TNS3: variants seen among roughly 807,000 people sequenced by gnomAD.
TNS3 encodes the protein tensin 3, also known as tensin-3.
Under a neutral mutation model 140.9 loss-of-function variants are expected in TNS3, and 45 were observed. The ratio of observed to expected loss-of-function variants is 0.32; its 90% CI spans 0.25 to 0.41. TNS3 has a LOEUF of 0.41. Among genes scored for constraint, TNS3 ranks in the 10% least tolerant of loss-of-function variants. TNS3 has a pLI of 1.00. For missense variants in TNS3, 1,716 were observed against 1,906.7 expected, an observed-to-expected ratio of 0.90 and a Z score of 1.86; for synonymous variants, 815 against 788.4, an observed-to-expected ratio of 1.03 and a Z score of -0.56.
At chr7:47,530,107 T>C (rs1234236002) in intron 1 of TNS3, among the ~76,000 whole-genome samples, 2 of 152,156 alleles carry the variant, frequency 1.3e-5, no homozygotes, top group African/African-American at 4.8e-5. Flanking sequence ...GAAAGAAAGG[T>C]CATAACAGCT....
At chr7:47,491,698 G>A (rs1797820218) in intron 3 of TNS3, among the ~76,000 whole-genome samples, 1 of 152,196 alleles carries the variant, frequency 6.6e-6, no homozygotes, top group African/African-American at 2.4e-5. Context: ...CAATGAGACT[G>A]ATTCATGATA....
At chr7:47,491,715 A>G (rs1025422513) in intron 3 of TNS3, among the ~76,000 whole-genome samples, 3 of 152,192 alleles carry the variant, frequency 2.0e-5, no homozygotes, top group Non-Finnish European at 4.4e-5. Flanking sequence ...GATAATACTT[A>G]ACCAGGGGCA....
chr7:47,573,137 A>G (rs1395162483), intron 1 of TNS3, among the ~76,000 whole-genome samples: 8 of 152,228 alleles, frequency 5.3e-5, no homozygotes, highest in African/African-American at 1.9e-4. Context: ...TCCCTCGGAA[A>G]GAGACCACGG....
intron 10 of TNS3, among the ~76,000 whole-genome samples, chr7:47,419,236 CCA>C (rs1354431458): frequency 6.6e-6 from 1 of 152,200 alleles, no homozygotes; most frequent in East Asian, 1.9e-4. Flanking sequence ...GTGGCTTTGC[CCA>C]CAGAGTTGGA....
chr7:47,511,900 G>T (rs1025629483), intron 2 of TNS3, among the ~76,000 whole-genome samples: 34 of 152,202 alleles, frequency 2.2e-4, no homozygotes, highest in Non-Finnish European at 4.7e-4. Context: ...CACATGCCCT[G>T]CTGGCTGGGA....
chr7:47,378,847 C>T (rs2151208046), intron 16 of TNS3, among the ~76,000 whole-genome samples: 1 of 152,324 alleles, frequency 6.6e-6, no homozygotes, highest in South Asian at 2.1e-4. Context: ...AACATTTCTC[C>T]TGGATTTGCT....
At chr7:47,305,526 C>A (rs991624980) in intron 20 of TNS3, among the ~76,000 whole-genome samples, 4 of 152,264 alleles carry the variant, frequency 2.6e-5, no homozygotes, top group African/African-American at 7.2e-5. Context: ...TACCCTCCCC[C>A]CAGCTGGTAA....
chr7:47,435,106 G>A (rs1795112160), intron 8 of TNS3, among the ~76,000 whole-genome samples, 176 bp downstream of exon 8: 1 of 126,546 alleles, frequency 7.9e-6, no homozygotes, highest in African/African-American at 2.9e-5. Context: ...TTGGGGAGGT[G>A]TGATAACTCT....
At chr7:47,469,317 GA>G (rs1463212963) in intron 4 of TNS3, among the ~76,000 whole-genome samples, 4 of 152,164 alleles carry the variant, frequency 2.6e-5, no homozygotes, top group Admixed American at 6.5e-5. Context: ...CAGAATGGGA[GA>G]AAATATTCAC....
At chr7:47,554,711 T>C (rs192098864) in intron 1 of TNS3, among the ~76,000 whole-genome samples, 12 of 152,196 alleles carry the variant, frequency 7.9e-5, no homozygotes, top group Admixed American at 7.9e-4. Flanking sequence ...TTGCTTCTTA[T>C]GCATAAGCAA....
At chr7:47,532,447 C>G (rs896599083) in intron 1 of TNS3, among the ~76,000 whole-genome samples, 1 of 152,302 alleles carries the variant, frequency 6.6e-6, no homozygotes. Flanking sequence ...AAGAGACCAG[C>G]TGCACAGAGG....
intron 20 of TNS3, among the ~76,000 whole-genome samples, chr7:47,333,896 T>C (rs1448884105): frequency 6.6e-6 from 1 of 152,236 alleles, no homozygotes; most frequent in Non-Finnish European, 1.5e-5. Context: ...ATCTTCATTT[T>C]TAAGACTGCC....
chr7:47,566,247 C>T (rs1584862500), intron 1 of TNS3, among the ~76,000 whole-genome samples: 1 of 152,288 alleles, frequency 6.6e-6, no homozygotes, highest in Non-Finnish European at 1.5e-5. Flanking sequence ...CAGAGCCACC[C>T]AAGCAGCTGC....
chr7:47,497,448 A>G (rs1798053963), intron 3 of TNS3, among the ~76,000 whole-genome samples: 1 of 152,180 alleles, frequency 6.6e-6, no homozygotes, highest in East Asian at 1.9e-4. Flanking sequence ...TTATAGAGGA[A>G]GAAACTGAAG....
chr7:47,376,299 G>A (rs1249738406), intron 16 of TNS3, among the ~76,000 whole-genome samples: 3 of 152,222 alleles, frequency 2.0e-5, no homozygotes, highest in African/African-American at 7.2e-5. Flanking sequence ...CAGTGTGTGA[G>A]AAGAAAGGCA....
At chr7:47,443,498 A>G (rs1795572167) in intron 4 of TNS3, among the ~76,000 whole-genome samples, 1 of 152,368 alleles carries the variant, frequency 6.6e-6, no homozygotes, top group South Asian at 2.1e-4. Context: ...AGACAGCTAC[A>G]AAACAGAAGA....
chr7:47,331,962 C>T (rs571647055), intron 20 of TNS3, among the ~76,000 whole-genome samples: 93 of 152,330 alleles, frequency 6.1e-4, no homozygotes, highest in African/African-American at 2.1e-3. Flanking sequence ...CTCAAAGGCT[C>T]TGATGGGGCA....
chr7:47,525,307 G>A (rs1329974716), intron 2 of TNS3, among the ~76,000 whole-genome samples: 1 of 152,218 alleles, frequency 6.6e-6, no homozygotes, highest in Admixed American at 6.5e-5. Context: ...GAAACCAGTA[G>A]ATGGGCCACG....
intron 20 of TNS3, among the ~76,000 whole-genome samples, chr7:47,334,886 C>T (rs1368361232): frequency 6.6e-6 from 1 of 152,086 alleles, no homozygotes; most frequent in East Asian, 1.9e-4. Context: ...GGATTACAGG[C>T]ATGAGCCACT....
Sources: gnomAD v4.1 joint callset for allele counts (sites outside exome capture counted in the v4.1 genomes callset) on GRCh38, gnomAD v4.1.1 for gene constraint, MANE v1.5 for transcripts, NCBI Gene and HGNC (gene_info 2026-07-23, HGNC 2026-07-21) for gene names.